Variants in AMDHD1 observed in about 807,000 individuals in gnomAD.
AMDHD1 encodes the protein probable imidazolonepropionase.
Under a neutral mutation model 44.1 loss-of-function variants are expected in AMDHD1, and 45 were observed. The ratio of observed to expected loss-of-function variants is 1.02; its 90% CI spans 0.80 to 1.31. The LOEUF (loss-of-function observed/expected upper bound fraction) is 1.31. Among genes scored for constraint, AMDHD1 ranks in the 50% most tolerant of loss-of-function variants. The probability of loss-of-function intolerance (pLI) is 0.00; values close to 1 mark genes in which losing one functional copy is unlikely to be tolerated. For missense variants in AMDHD1, 586 were observed against 552.1 expected, an observed-to-expected ratio of 1.06 and a Z score of -0.61; for synonymous variants, 206 against 205.0, an observed-to-expected ratio of 1.00 and a Z score of -0.04.
intron 1 of AMDHD1, among the ~76,000 whole-genome samples, chr12:95,944,579 G>C (rs1024380291): frequency 6.6e-6 from 1 of 151,672 alleles, no homozygotes; most frequent in Non-Finnish European, 1.5e-5. Flanking sequence ...ACCACGCCAG[G>C]CTAATTTTTG....
intron 6 of AMDHD1, among the ~76,000 whole-genome samples, chr12:95,965,201 A>G (rs1040238241): frequency 6.7e-6 from 1 of 149,598 alleles, no homozygotes; most frequent in African/African-American, 2.5e-5. Flanking sequence ...CGGGAGGCTG[A>G]GGCAGGAGAA....
Position 95,960,580 on chromosome 12 carries a change from T to C in AMDHD1, c.770T>C (p.Ile257Thr), listed in dbSNP as rs2080576151. 1 of 1,614,080 alleles carries C rather than the reference T, an allele frequency of 6.2e-7. No individual in the cohort carries two copies. The highest frequency in any genetic ancestry group is 8.5e-7 in the Non-Finnish European group (1 of 1,180,032). The change falls in exon 5 of 9, where the codon ATT becomes ACT. Residue 257 changes from isoleucine (I) to threonine (T), a missense_variant. By Grantham distance (89) the Ile-to-Thr change is moderately conservative (BLOSUM62 -1). Transcript: ENST00000266736. ...CGTGGAAAAGATATAGGGTTACAGA[T>C]TAACTTCCATGGGGATGAACTCCAC... is the stretch of plus-strand genomic sequence containing the variant. ...LQRGKDIGLQ[I>T]NFHGDELHPM...
At chr12:95,955,047 C>G in intron 3 of AMDHD1, 72 bp downstream of exon 3, 1 of 1,457,304 alleles carries the variant, frequency 6.9e-7, no homozygotes, top group South Asian at 1.1e-5. Flanking sequence ...AGTTAGTAGG[C>G]TATCAAGCTT....
At chr12:95,948,356 A>G (rs1188183785) in intron 1 of AMDHD1, among the ~76,000 whole-genome samples, 1 of 39,764 alleles carries the variant, frequency 2.5e-5, no homozygotes, top group Non-Finnish European at 4.3e-5. Context: ...TCTGGGAGGG[A>G]GGTGGGGGGG....
chr12:95,965,997 A>G (rs2080608355), intron 7 of AMDHD1, among the ~76,000 whole-genome samples: 1 of 152,104 alleles, frequency 6.6e-6, no homozygotes, highest in Non-Finnish European at 1.5e-5. Context: ...TACATGCATT[A>G]TTTTCTGATT....
rs1299397764 is a variant in AMDHD1 at position 95,956,897 on chromosome 12, G to C, written c.522G>C (p.Glu174Asp). The change falls in exon 4 of 9, where the codon GAG (glutamate) becomes GAC (aspartate). Residue 174 changes from glutamate (E) to aspartate (D), a missense_variant. Glu to Asp is a conservative substitution (Grantham distance 45). Transcript: ENST00000266736. Reference sequence around the variant, plus strand: ...AGCTCAAGATGCTGCGCGTGATTGAGCGCGCCCGGCGGGAGCTGGACATCG... The same window carrying C: ...AGCTCAAGATGCTGCGCGTGATTGACCGCGCCCGGCGGGAGCTGGACATCG... ...ETELKMLRVI[E>D]RARRELDIGI... 1.9e-6 allele frequency: 3 copies of C among 1,613,500 alleles called. No homozygotes were observed.
chr12:95,957,063 TA>T, intron 4 of AMDHD1, 101 bp downstream of exon 4: 1 of 1,504,996 alleles, frequency 6.6e-7, no homozygotes, highest in East Asian at 2.3e-5. Flanking sequence ...GGGAGATGGA[TA>T]GAAGTCTTTG....
At chr12:95,947,513 G>C (rs1222625931) in intron 1 of AMDHD1, 1 of 77,476 alleles carries the variant, frequency 1.3e-5, no homozygotes, top group Non-Finnish European at 2.4e-5. Context: ...CACCCCGTCC[G>C]GGAGGGAGGT....
intron 4 of AMDHD1, 78 bp from the exon 5 acceptor site, chr12:95,960,317 GTTC>G: frequency 7.2e-6 from 9 of 1,252,636 alleles, no homozygotes; most frequent in Non-Finnish European, 9.0e-6. Flanking sequence ...TGCTCCTCAG[GTTC>G]TTCAAGTGCC....
chr12:95,943,991 C>T (rs992583088), intron 1 of AMDHD1, among the ~76,000 whole-genome samples: 1 of 152,116 alleles, frequency 6.6e-6, no homozygotes, highest in Non-Finnish European at 1.5e-5. Context: ...TCAAAAGTAC[C>T]TTTCACATCC....
intron 5 of AMDHD1, among the ~76,000 whole-genome samples, chr12:95,962,043 G>A (rs138026233): frequency 2.0e-4 from 31 of 152,268 alleles, no homozygotes; most frequent in Middle Eastern, 3.4e-3. Flanking sequence ...CGAGGCAGGC[G>A]GATCACGAGG....
chr12:95,965,298 C>CAAAAAAA (rs34398121), intron 6 of AMDHD1, among the ~76,000 whole-genome samples: 3 of 94,784 alleles, frequency 3.2e-5, no homozygotes, highest in Admixed American at 1.2e-4. Context: ...GATTCCATCT[C>CAAAAAAA]AAAAAAAAAA....
rs1255358789 is a variant in AMDHD1 at position 95,949,155 on chromosome 12, A to T, written c.138-3562A>T. On this transcript the variant is annotated intron_variant, in intron 1 of 8. Coordinates refer to ENST00000266736, the MANE Select transcript of AMDHD1 (RefSeq NM_152435.3). ...AAAAATAAATTAAAAAAAAAAAAAA[A>T]AAAAGAAAAAAAAAAAAAAAAAAGA... is the stretch of plus-strand genomic sequence containing the variant. 1.1e-4 allele frequency among the ~76,000 whole-genome samples: 2 copies of T among 18,760 alleles called. 1 individual carries two copies. 12.3% of individuals were successfully genotyped at this position (18,760 alleles called of 152,430 possible). A position where few individuals can be genotyped will look rare whatever the true frequency, so the allele number is the denominator to read the frequency against.
chr12:95,944,366 T>TATTG (rs1393815212), intron 1 of AMDHD1, among the ~76,000 whole-genome samples: 1 of 151,088 alleles, frequency 6.6e-6, no homozygotes, highest in African/African-American at 2.4e-5. Context: ...TTTATTTATT[T>TATTG]ATTTATTTTT....
At position 95,961,144 on chromosome 12, in the gene AMDHD1, C is replaced by CAAA. The variant is rs3051622; in HGVS notation, c.813+530_813+532dup. On this transcript the variant is annotated intron_variant, in intron 5 of 8. Transcript: ENST00000266736. Reference sequence around the variant, plus strand: ...TGGGGGACAGAGCAAGACTCCATCTCAAAAAAAAAAAGGAAAGAAAAGAAA... The same window carrying CAAA: ...TGGGGGACAGAGCAAGACTCCATCTCAAAAAAAAAAAAAAGGAAAGAAAAGAAA... Among the ~76,000 whole-genome samples the CAAA allele has an allele frequency of 5.4e-5, 7 of 129,664 alleles. 2 individuals carry two copies. Among genetic ancestry groups the CAAA allele is most frequent in the Non-Finnish European group, 9.5e-5 (6 of 62,958 alleles). 85.1% of individuals were successfully genotyped at this position (129,664 alleles called of 152,430 possible).
intron 1 of AMDHD1, among the ~76,000 whole-genome samples, chr12:95,951,002 C>T (rs2080523292): frequency 1.3e-5 from 2 of 152,100 alleles, no homozygotes; most frequent in African/African-American, 4.8e-5. Context: ...TTATTTTAAA[C>T]AGTCGTACAA....
At position 95,952,768 on chromosome 12, in the gene AMDHD1, T is replaced by C; in HGVS notation, c.189T>C (p.Phe63=). Residue 63 remains phenylalanine, a synonymous_variant, in exon 2 of 9, where the codon TTT becomes TTC. Coordinates refer to ENST00000266736, the MANE Select transcript of AMDHD1 (RefSeq NM_152435.3). ...IGPADVIQRQ[F]SGETFEEIID... ...CTGCTGATGTTATTCAAAGACAGTT[T>C]TCTGGAGAAACTTTTGAAGAAATAA... 6.2e-7 allele frequency: 1 copy of C among 1,613,310 alleles called. No individual in the cohort carries two copies.
At chr12:95,967,081 T>C (rs1433537499) in intron 8 of AMDHD1, among the ~76,000 whole-genome samples, 1 of 152,196 alleles carries the variant, frequency 6.6e-6, no homozygotes, top group Non-Finnish European at 1.5e-5. Flanking sequence ...TCTACATGGC[T>C]GGGGAGGCCT....
chr12:95,956,493 C>T, intron 3 of AMDHD1, 192 bp from the exon 4 acceptor site: 1 of 720,926 alleles, frequency 1.4e-6, no homozygotes, highest in Non-Finnish European at 2.2e-6. Flanking sequence ...TTCGGAGCTC[C>T]CCACAATCCA....
Sources: allele counts gnomAD v4.1 joint callset (sites outside exome capture counted in the v4.1 genomes callset), GRCh38; gene constraint gnomAD v4.1.1; transcripts MANE v1.5; gene names NCBI Gene and HGNC (gene_info 2026-07-23, HGNC 2026-07-21).